Variants in RHBDD1 observed in about 807,000 individuals in gnomAD.
The protein encoded by RHBDD1 is rhomboid-related protein 4.
RHBDD1 carries 38 observed loss-of-function variants against 36.3 expected under a neutral mutation model. The observed-to-expected ratio is 1.05, with a 90% CI of 0.81 to 1.37. The LOEUF (loss-of-function observed/expected upper bound fraction) is 1.37. RHBDD1 is among the 40% of genes most tolerant of loss of function. RHBDD1 has a pLI of 0.00. For synonymous variants in RHBDD1, 151 were observed against 136.5 expected (o/e 1.11, Z -0.74); for missense variants, 393 against 377.6 (o/e 1.04, Z -0.34).
chr2:226,877,662 C>G (rs1945356876), intron 5 of RHBDD1, among the ~76,000 whole-genome samples: 1 of 151,290 alleles, frequency 6.6e-6, no homozygotes, highest in Non-Finnish European at 1.5e-5. Flanking sequence ...TCTCACAGCT[C>G]AAACCCATAA....
At chr2:226,873,139 C>T (rs757483343) in intron 5 of RHBDD1, among the ~76,000 whole-genome samples, 6 of 152,188 alleles carry the variant, frequency 3.9e-5, no homozygotes, top group Non-Finnish European at 8.8e-5. Context: ...TCTTGCATAT[C>T]CTGTTATCAT....
At chr2:226,855,940 C>A (rs919455307) in intron 3 of RHBDD1, among the ~76,000 whole-genome samples, 1 of 152,166 alleles carries the variant, frequency 6.6e-6, no homozygotes, top group Admixed American at 6.5e-5. Context: ...GAGATCCCTA[C>A]TCTAATTCCC....
rs1375655136 is a variant in RHBDD1 at position 226,908,805 on chromosome 2, A to C, written c.656-17A>C. The C allele has an allele frequency of 2.5e-6, 4 of 1,584,978 alleles. No individual in the cohort carries two copies. Among genetic ancestry groups the C allele is most frequent in the South Asian group, 2.2e-5 (2 of 90,362 alleles). On this transcript the variant is annotated splice_polypyrimidine_tract_variant and intron_variant, in intron 6 of 8. Coordinates refer to ENST00000392062, the MANE Select transcript of RHBDD1 (RefSeq NM_001167608.3). Reference sequence around the variant, plus strand: ...CTTTATGGCTGCCATTAAAATGTTTATTTCTTTTACGTTTAGGCGGTTTTT... The same window carrying C: ...CTTTATGGCTGCCATTAAAATGTTTCTTTCTTTTACGTTTAGGCGGTTTTT...
intron 2 of RHBDD1, among the ~76,000 whole-genome samples, chr2:226,838,997 G>T (rs751223002): frequency 2.6e-5 from 4 of 152,168 alleles, no homozygotes; most frequent in Non-Finnish European, 5.9e-5. Flanking sequence ...CTCGTTGAAG[G>T]TATGCATCAA....
chr2:226,929,586 C>A (rs1949885739), intron 8 of RHBDD1, among the ~76,000 whole-genome samples: 1 of 152,002 alleles, frequency 6.6e-6, no homozygotes, highest in Non-Finnish European at 1.5e-5. Flanking sequence ...CCTCTAAGAA[C>A]TGGAACAAGA....
intron 5 of RHBDD1, 60 bp downstream of exon 5, chr2:226,867,378 T>C (rs930059302): frequency 2.3e-5 from 35 of 1,536,120 alleles, no homozygotes; most frequent in Non-Finnish European, 1.8e-6. Flanking sequence ...GAGAAAAAAA[T>C]TGCAATAATA....
At position 226,915,577 on chromosome 2, in the gene RHBDD1, G is replaced by A. The variant is rs534356290; in HGVS notation, c.856+1226G>A. ...AGATTGAGCACCAATCAGGTACCAAGCATTATGCTAGGTGATGAGAGTACA... is the reference window on the plus strand; with the variant it reads ...AGATTGAGCACCAATCAGGTACCAAACATTATGCTAGGTGATGAGAGTACA... On this transcript the variant is annotated intron_variant, in intron 8 of 8. Coordinates refer to ENST00000392062, the MANE Select transcript of RHBDD1 (RefSeq NM_001167608.3). 1.2e-4 allele frequency among the ~76,000 whole-genome samples: 18 copies of A among 152,312 alleles called. No individual in the cohort carries two copies. In the South Asian group the frequency reaches 3.3e-3, roughly 28 times the overall value.
intron 7 of RHBDD1, among the ~76,000 whole-genome samples, chr2:226,909,953 G>A (rs1022063828): frequency 6.6e-6 from 1 of 152,142 alleles, no homozygotes; most frequent in Non-Finnish European, 1.5e-5. Context: ...AGGCATCAAG[G>A]GCTTTATTGG....
the RHBDD1 span, among the ~76,000 whole-genome samples, chr2:226,816,603 A>C: frequency 6.6e-6 from 1 of 152,204 alleles, no homozygotes; most frequent in Non-Finnish European, 1.5e-5. Flanking sequence ...AAAATATAAA[A>C]CATAGGTCTA....
At chr2:226,917,681 T>G (rs1277478952) in intron 8 of RHBDD1, among the ~76,000 whole-genome samples, 1 of 152,080 alleles carries the variant, frequency 6.6e-6, no homozygotes, top group Non-Finnish European at 1.5e-5. Flanking sequence ...ATCATAGGTT[T>G]TTTTCTTCCC....
intron 8 of RHBDD1, among the ~76,000 whole-genome samples, chr2:226,917,590 C>G (rs750107293): frequency 2.0e-5 from 3 of 152,100 alleles, no homozygotes; most frequent in Admixed American, 6.6e-5. Flanking sequence ...TAAAACTCCT[C>G]ACAGTAGAAG....
intron 8 of RHBDD1, among the ~76,000 whole-genome samples, chr2:226,956,273 C>T (rs550939347): frequency 6.6e-6 from 1 of 152,304 alleles, no homozygotes; most frequent in South Asian, 2.1e-4. Flanking sequence ...CGCAGTCCCA[C>T]TCTGCCTTCT....
chr2:226,801,209 CG>C, the RHBDD1 span, among the ~76,000 whole-genome samples: 1 of 152,128 alleles, frequency 6.6e-6, no homozygotes, highest in East Asian at 1.9e-4. Context: ...TGGGACCCGG[CG>C]GGCCGCGGGG....
chr2:226,822,583 G>A, the RHBDD1 span, among the ~76,000 whole-genome samples: 3 of 148,390 alleles, frequency 2.0e-5, no homozygotes, highest in Non-Finnish European at 4.4e-5. Context: ...GCAATGAGCC[G>A]AGATCGTGCC....
intron 8 of RHBDD1, among the ~76,000 whole-genome samples, chr2:226,962,515 C>T (rs1952284969): frequency 6.6e-6 from 1 of 152,234 alleles, no homozygotes; most frequent in Admixed American, 6.5e-5. Flanking sequence ...GCAGTCTAGT[C>T]TTTAATCATA....
intron 4 of RHBDD1, 60 bp from the exon 5 acceptor site, chr2:226,867,126 A>G: frequency 6.8e-7 from 1 of 1,466,134 alleles, no homozygotes. Flanking sequence ...CTTTCTTTGT[A>G]AATGTTGATA....
chr2:226,926,914 C>A (rs1949705281), intron 8 of RHBDD1, among the ~76,000 whole-genome samples: 2 of 152,102 alleles, frequency 1.3e-5, no homozygotes, highest in African/African-American at 4.8e-5. Context: ...AAAAACTGAT[C>A]ACCTATCAGT....
At chr2:226,910,854 G>C (rs898731326) in intron 7 of RHBDD1, among the ~76,000 whole-genome samples, 7 of 152,096 alleles carry the variant, frequency 4.6e-5, no homozygotes, top group Admixed American at 2.6e-4. Context: ...CATTATAATA[G>C]ATACTGATGA....
chr2:226,969,040 G>A lies in RHBDD1; in HGVS notation c.857-26391G>A, dbSNP rs531461587. The A allele has an allele frequency of 5.7e-5, 12 of 209,224 alleles. No individual in the cohort carries two copies. In the South Asian group the frequency reaches 7.3e-4, roughly 13 times the overall value. The allele number at this position is 209,224 out of a possible 1,614,324, so 13.0% of individuals were successfully genotyped here. On this transcript the variant is annotated intron_variant, in intron 8 of 8. Coordinates refer to ENST00000392062, the MANE Select transcript of RHBDD1 (RefSeq NM_001167608.3). ...ATGGACACAGGCCAAAAGCCAAGCCGGGATAAACAAGGTGTTGCTTTGTCT... is the reference window on the plus strand; with the variant it reads ...ATGGACACAGGCCAAAAGCCAAGCCAGGATAAACAAGGTGTTGCTTTGTCT...
Sources: gnomAD v4.1 joint callset for allele counts (sites outside exome capture counted in the v4.1 genomes callset) on GRCh38, gnomAD v4.1.1 for gene constraint, MANE v1.5 for transcripts, NCBI Gene and HGNC (gene_info 2026-07-23, HGNC 2026-07-21) for gene names.